The following ATRN variants were observed in gnomAD, a reference collection of about 807,000 sequenced individuals.
ATRN encodes the protein attractin, also known as attractin-2.
A neutral mutation model predicts 178.7 loss-of-function variants in ATRN; 54 were observed. The observed-to-expected ratio is 0.30, with a 90% CI of 0.24 to 0.38. The LOEUF is 0.38. ATRN is among the 10% of genes least tolerant of loss of function. The pLI, the probability that ATRN is intolerant of heterozygous loss-of-function variation, is 1.00. For missense variants in ATRN, 1,443 were observed against 1,815.1 expected, an observed-to-expected ratio of 0.79 and a Z score of 3.73; for synonymous variants, 636 against 663.0, an observed-to-expected ratio of 0.96 and a Z score of 0.63.
In ATRN at chr20:3,471,429, G is replaced by A. The variant is rs2084420697; in HGVS notation, c.322G>A (p.Gly108Ser). 1 of 1,469,414 alleles carries A rather than the reference G, an allele frequency of 6.8e-7. No homozygotes were observed. Among genetic ancestry groups the A allele is most frequent in the Non-Finnish European group, 8.9e-7 (1 of 1,118,556 alleles). 91.0% of individuals were successfully genotyped at this position (1,469,414 alleles called of 1,614,324 possible). ...AKECDRPCVN[G>S]GRCNPGTGQC... ...GGAATGTGACCGGCCCTGTGTCAAC[G>A]GCGGTCGCTGCAACCCTGGCACCGG... is the stretch of plus-strand genomic sequence containing the variant. The change falls in exon 1 of 29, where the codon GGC becomes AGC. Residue 108 changes from glycine to serine, a missense_variant. This residue lies in a region of ATRN where 862 missense variants were observed against 972.1 expected (regional missense o/e 0.89). Coordinates refer to ENST00000262919, the MANE Select transcript of ATRN (RefSeq NM_139321.3).
At chr20:3,642,247 C>A (rs998358932) in intron 27 of ATRN, among the ~76,000 whole-genome samples, 11 of 152,346 alleles carry the variant, frequency 7.2e-5, no homozygotes, top group Admixed American at 2.0e-4. Flanking sequence ...GATCCTCTCA[C>A]CTGGACTGCT....
intron 24 of ATRN, among the ~76,000 whole-genome samples, chr20:3,614,520 G>A (rs1031842255): frequency 1.2e-4 from 18 of 152,176 alleles, no homozygotes; most frequent in African/African-American, 4.3e-4. Flanking sequence ...TTGAGAACTG[G>A]GCATTCATTT....
At chr20:3,506,943 T>C (rs1156384054) in intron 1 of ATRN, among the ~76,000 whole-genome samples, 1 of 152,078 alleles carries the variant, frequency 6.6e-6, no homozygotes, top group Non-Finnish European at 1.5e-5. Context: ...AGAGAATTAG[T>C]TAACTATAAG....
intron 11 of ATRN, among the ~76,000 whole-genome samples, chr20:3,569,292 G>A (rs556718643): frequency 6.6e-6 from 1 of 152,076 alleles, no homozygotes; most frequent in African/African-American, 2.4e-5. Flanking sequence ...ACACATCTAG[G>A]CTATATGGTA....
chr20:3,617,469 C>T (rs572682085), intron 24 of ATRN, among the ~76,000 whole-genome samples: 8 of 152,130 alleles, frequency 5.3e-5, no homozygotes, highest in African/African-American at 7.2e-5. Flanking sequence ...GGATGATGAG[C>T]GTGTGAGGTT....
intron 1 of ATRN, among the ~76,000 whole-genome samples, chr20:3,512,660 C>G (rs527980040): frequency 2.7e-4 from 41 of 152,242 alleles, no homozygotes; most frequent in African/African-American, 8.7e-4. Context: ...ATTTCTAGTT[C>G]TAGATCCCTG....
chr20:3,578,835 G>T (rs1359912355), intron 15 of ATRN, 63 bp downstream of exon 15: 1 of 1,471,946 alleles, frequency 6.8e-7, no homozygotes. Flanking sequence ...GGGCATGACT[G>T]CAGCTTGCAT....
chr20:3,595,164 C>G (rs774128969), intron 20 of ATRN, among the ~76,000 whole-genome samples: 4 of 152,216 alleles, frequency 2.6e-5, no homozygotes, highest in Non-Finnish European at 4.4e-5. Context: ...TGAGGCAAAT[C>G]ACTGTTCCCC....
intron 3 of ATRN, among the ~76,000 whole-genome samples, chr20:3,542,594 C>CTTCCCCTTCT (rs1437688525): frequency 7.5e-6 from 1 of 132,708 alleles, no homozygotes; most frequent in African/African-American, 3.1e-5. Context: ...CCCCTTCTCC[C>CTTCCCCTTCT]TTCCCCTTCC....
chr20:3,502,526 C>T (rs192334147), intron 1 of ATRN, among the ~76,000 whole-genome samples: 1 of 152,270 alleles, frequency 6.6e-6, no homozygotes, highest in Admixed American at 6.5e-5. Flanking sequence ...TGGCTCATTC[C>T]TCCCCTGAAT....
At chr20:3,572,421 A>C (rs1480807763) in intron 11 of ATRN, among the ~76,000 whole-genome samples, 1 of 152,166 alleles carries the variant, frequency 6.6e-6, no homozygotes, top group Non-Finnish European at 1.5e-5. Flanking sequence ...AAAGGATGGA[A>C]TTTGGAAAGG....
At chr20:3,564,554 G>A (rs551427090) in intron 10 of ATRN, among the ~76,000 whole-genome samples, 3 of 152,282 alleles carry the variant, frequency 2.0e-5, no homozygotes, top group South Asian at 4.1e-4. Flanking sequence ...GCTAGTATGG[G>A]TCACAACAAG....
chr20:3,622,694 C>T (rs1006754339), intron 24 of ATRN, among the ~76,000 whole-genome samples: 1 of 152,208 alleles, frequency 6.6e-6, no homozygotes, highest in African/African-American at 2.4e-5. Flanking sequence ...ACGTTATGAC[C>T]TTTGCCTCCT....
intron 24 of ATRN, among the ~76,000 whole-genome samples, chr20:3,621,636 A>C (rs2086897843): frequency 6.6e-6 from 1 of 152,166 alleles, no homozygotes; most frequent in Non-Finnish European, 1.5e-5. Flanking sequence ...TTTGTATTAA[A>C]ATAGATTTTT....
chr20:3,564,959 G>A (rs1238339079), intron 10 of ATRN, among the ~76,000 whole-genome samples: 2 of 152,146 alleles, frequency 1.3e-5, no homozygotes, highest in Non-Finnish European at 2.9e-5. Context: ...CAGCTACTTG[G>A]GAGGATGAGG....
chr20:3,599,137 T>A (rs1199727966), intron 22 of ATRN, among the ~76,000 whole-genome samples: 1 of 152,178 alleles, frequency 6.6e-6, no homozygotes, highest in Admixed American at 6.5e-5. Flanking sequence ...TAAATTACTT[T>A]AAATGAATTA....
At chr20:3,510,698 C>G (rs1785651028) in intron 1 of ATRN, among the ~76,000 whole-genome samples, 1 of 151,938 alleles carries the variant, frequency 6.6e-6, no homozygotes, top group Non-Finnish European at 1.5e-5. Flanking sequence ...GCATACGTTG[C>G]CCATCTGTCT....
At chr20:3,643,559 A>G (rs781137160) in intron 27 of ATRN, among the ~76,000 whole-genome samples, 3 of 152,138 alleles carry the variant, frequency 2.0e-5, no homozygotes, top group Admixed American at 1.3e-4. Flanking sequence ...ATAGGGGACA[A>G]ATCTCATCTA....
At chr20:3,624,065 A>G (rs2086917426) in intron 24 of ATRN, among the ~76,000 whole-genome samples, 2 of 152,240 alleles carry the variant, frequency 1.3e-5, no homozygotes, top group Non-Finnish European at 1.5e-5. Flanking sequence ...AAAAAGGACA[A>G]TATCTTGCAG....
Sources: gnomAD v4.1 joint callset for allele counts (sites outside exome capture counted in the v4.1 genomes callset) on GRCh38, gnomAD v4.1.1 for gene constraint, gnomAD v4.1.1 regional missense constraint, MANE v1.5 for transcripts, NCBI Gene and HGNC (gene_info 2026-07-23, HGNC 2026-07-21) for gene names.